Variants in ABHD6 observed in about 807,000 individuals in gnomAD.
ABHD6 encodes the protein abhydrolase domain containing 6, acylglycerol lipase, also known as monoacylglycerol lipase ABHD6.
Under a neutral mutation model 38.8 loss-of-function variants are expected in ABHD6, and 33 were observed. That is an observed-to-expected ratio of 0.85 (90% CI 0.64 to 1.14). The LOEUF (loss-of-function observed/expected upper bound fraction) is 1.14. Among genes scored for constraint, ABHD6 ranks in the 50% most tolerant of loss-of-function variants. ABHD6 has a pLI of 0.00. For synonymous variants in ABHD6, 147 were observed against 161.6 expected, an observed-to-expected ratio of 0.91 and a Z score of 0.69; for missense variants, 380 against 422.6, an observed-to-expected ratio of 0.90 and a Z score of 0.88.
chr3:58,290,003 A>C (rs1462951026), intron 9 of ABHD6, among the ~76,000 whole-genome samples: 13 of 95,944 alleles, frequency 1.4e-4, no homozygotes, highest in South Asian at 3.5e-4. Context: ...TGACCCCCCC[A>C]CCTCCCTCCC....
Position 58,285,003 on chromosome 3 carries a change from C to T in ABHD6, c.682-82C>T. 7.6e-7 allele frequency: 1 copy of T among 1,323,638 alleles called. No individual in the cohort carries two copies. The highest frequency in any genetic ancestry group is 1.1e-6 in the Non-Finnish European group (1 of 915,948). The allele number at this position is 1,323,638 out of a possible 1,614,324, so 82.0% of individuals were successfully genotyped here. A position where few individuals can be genotyped will look rare whatever the true frequency, so the allele number is the denominator to read the frequency against. ...GTGCAATAAATTGCTGGACCTCATT[C>T]CCATTCATTGTCCCAGAGCTGTGAG... On this transcript the variant is annotated intron_variant, in intron 7 of 9. Transcript: ENST00000478253. The surrounding 1 kb of genome is among the most constrained non-coding windows in gnomAD (Gnocchi z 4.9).
rs747793435 is a variant in ABHD6, at chr3:58,293,206, C to T, written c.838-383C>T. 1.2e-4 allele frequency among the ~76,000 whole-genome samples: 18 copies of T among 152,256 alleles called. No individual in the cohort carries two copies. The highest frequency in any genetic ancestry group is 8.3e-4 in the South Asian group (4 of 4,832). ...TCCCACCCTGTGCCATTCCCACATC[C>T]GTGAATGCTCCTCCCCTGTCCCCTT... On this transcript the variant is annotated intron_variant, in intron 9 of 9. Transcript: ENST00000478253. The surrounding 1 kb of genome is among the most constrained non-coding windows in gnomAD (Gnocchi z 4.4).
At chr3:58,250,290 A>C (rs1283538147) in intron 2 of ABHD6, among the ~76,000 whole-genome samples, 3 of 151,960 alleles carry the variant, frequency 2.0e-5, no homozygotes, top group African/African-American at 7.3e-5. Flanking sequence ...TCAGGCAGCC[A>C]GACGTGGGAG....
intron 6 of ABHD6, among the ~76,000 whole-genome samples, chr3:58,274,091 AG>A (rs901558367): frequency 4.6e-5 from 7 of 152,288 alleles, no homozygotes; most frequent in Admixed American, 3.9e-4. Context: ...AGAAGGCAGC[AG>A]GGTTGCTGCC....
In ABHD6 at chr3:58,256,090, C is replaced by CAG. The variant is rs1559773077; in HGVS notation, c.-25-471_-25-470insGA. Among the ~76,000 whole-genome samples, 6 of 82,644 alleles carry CAG rather than the reference C, an allele frequency of 7.3e-5. No individual in the cohort carries two copies. The highest frequency in any genetic ancestry group is 5.5e-4 in the African/African-American group (6 of 10,814). 54.2% of individuals were successfully genotyped at this position (82,644 alleles called of 152,430 possible). ...TTCCTCCCACCAACACACACACACA[C>CAG]ACACACACACACACACACATACACA... On this transcript the variant is annotated intron_variant, in intron 2 of 9. Transcript: ENST00000478253. This position sits in a 1 kb window ranked among gnomAD's most constrained non-coding sequence, Gnocchi z 4.3.
intron 9 of ABHD6, among the ~76,000 whole-genome samples, chr3:58,286,795 G>A (rs1490875625): frequency 7.1e-6 from 1 of 140,310 alleles, no homozygotes; most frequent in Non-Finnish European, 1.5e-5. Flanking sequence ...ATATATAGGT[G>A]TGCATATAAG....
At chr3:58,260,068 T>G (rs28714636) in intron 3 of ABHD6, among the ~76,000 whole-genome samples, 5,786 of 152,336 alleles carry the variant, frequency 0.038, 351 homozygotes, top group African/African-American at 0.13. Context: ...TATATACAGT[T>G]TGTTCATCCA....
At chr3:58,268,356 A>G (rs1047139075) in intron 4 of ABHD6, among the ~76,000 whole-genome samples, 2 of 151,532 alleles carry the variant, frequency 1.3e-5, no homozygotes, top group African/African-American at 4.9e-5. Flanking sequence ...TCCCTCTTCT[A>G]CGTCTGCTTT....
At chr3:58,280,550 C>T (rs1172076839) in intron 7 of ABHD6, among the ~76,000 whole-genome samples, 2 of 152,140 alleles carry the variant, frequency 1.3e-5, no homozygotes, top group South Asian at 4.1e-4. Context: ...TCCTTTAGCA[C>T]GGAGAAGTTT....
intron 7 of ABHD6, among the ~76,000 whole-genome samples, chr3:58,280,880 G>A (rs1261627277): frequency 2.0e-5 from 3 of 152,160 alleles, no homozygotes; most frequent in African/African-American, 4.8e-5. Context: ...GAGTTTGCTG[G>A]AGGTCCGCTC....
At position 58,259,346 on chromosome 3, in the gene ABHD6, A is replaced by C. The variant is rs2097435427; in HGVS notation, c.119+2641A>C. On this transcript the variant is annotated intron_variant, in intron 3 of 9. Transcript: ENST00000478253. This position sits in a 1 kb window ranked among gnomAD's most constrained non-coding sequence, Gnocchi z 4.7. ...TAGCAAATAATTTGCTTTTTAAATT[A>C]AGTTAAAATTCACATAACATAAAAG... is the stretch of plus-strand genomic sequence containing the variant. Among the ~76,000 whole-genome samples the C allele has an allele frequency of 6.6e-6, 1 of 152,200 alleles. No individual in the cohort carries two copies. The highest frequency in any genetic ancestry group is 1.5e-5 in the Non-Finnish European group (1 of 68,030).
intron 1 of ABHD6, among the ~76,000 whole-genome samples, chr3:58,242,795 A>C (rs143174552): frequency 6.6e-6 from 1 of 152,210 alleles, no homozygotes; most frequent in African/African-American, 2.4e-5. Flanking sequence ...ATATGTATAC[A>C]TGTGCCATGT....
chr3:58,290,523 C>A (rs2097461614), intron 9 of ABHD6, among the ~76,000 whole-genome samples: 1 of 136,926 alleles, frequency 7.3e-6, no homozygotes, highest in Non-Finnish European at 1.6e-5. Flanking sequence ...AGGGGCTGAC[C>A]CCCCACCTCC....
Position 58,257,862 on chromosome 3 carries a change from T to C in ABHD6, c.119+1157T>C, listed in dbSNP as rs918644941. On this transcript the variant is annotated intron_variant, in intron 3 of 9. Transcript: ENST00000478253. The surrounding 1 kb of genome is among the most constrained non-coding windows in gnomAD (Gnocchi z 4.8). ...ATATGTCATTCTTGTACCACTGTTA[T>C]TATTCTTGTCCTATCTGGATACCAC... Among the ~76,000 whole-genome samples the C allele has an allele frequency of 6.6e-6, 1 of 152,220 alleles. No individual in the cohort carries two copies. The highest frequency in any genetic ancestry group is 1.5e-5 in the Non-Finnish European group (1 of 68,036).
rs896752389 is a variant in ABHD6, at chr3:58,256,216, C to T, written c.-25-346C>T. ...AACATCTCCTAAAAGGGAAGATATT[C>T]TCCTACATACATACATAATCACAAT... On this transcript the variant is annotated intron_variant, in intron 2 of 9. Coordinates refer to ENST00000478253, the MANE Select transcript of ABHD6 (RefSeq NM_001320126.2). The surrounding 1 kb of genome is among the most constrained non-coding windows in gnomAD (Gnocchi z 4.3). 6.6e-6 allele frequency among the ~76,000 whole-genome samples: 1 copy of T among 152,134 alleles called. No homozygotes were observed. Among genetic ancestry groups the T allele is most frequent in the Non-Finnish European group, 1.5e-5 (1 of 68,024 alleles).
rs9842917 is a variant in ABHD6 at position 58,259,073 on chromosome 3, C to T, written c.119+2368C>T. Among the ~76,000 whole-genome samples, 20,805 of 152,054 alleles carry T rather than the reference C, an allele frequency of 0.14. 2,068 individuals carry two copies. The highest frequency in any genetic ancestry group is 0.27 in the African/African-American group (11,315 of 41,408). ...GCATCATGGACTGCCACACACAAAA[C>T]GCCGTTTTTATTAACGACATGAAAT... On this transcript the variant is annotated intron_variant, in intron 3 of 9. Transcript: ENST00000478253. The surrounding 1 kb of genome is among the most constrained non-coding windows in gnomAD (Gnocchi z 4.7).
chr3:58,243,056 C>A (rs549908257), intron 1 of ABHD6, among the ~76,000 whole-genome samples: 2 of 152,220 alleles, frequency 1.3e-5, no homozygotes, highest in East Asian at 3.9e-4. Context: ...TGAACTCATC[C>A]TTTTTTATGG....
intron 1 of ABHD6, among the ~76,000 whole-genome samples, chr3:58,242,309 T>A (rs2097423405): frequency 6.6e-6 from 1 of 152,282 alleles, no homozygotes; most frequent in Non-Finnish European, 1.5e-5. Flanking sequence ...ACCAGTGAAT[T>A]AGCAGAGAGG....
At chr3:58,260,099 T>C (rs546330652) in intron 3 of ABHD6, among the ~76,000 whole-genome samples, 8 of 152,380 alleles carry the variant, frequency 5.3e-5, no homozygotes, top group African/African-American at 1.7e-4. Flanking sequence ...GATGGACACT[T>C]GGGTTGTTTC....
Sources: gnomAD v4.1 joint callset for allele counts (sites outside exome capture counted in the v4.1 genomes callset) on GRCh38, gnomAD v4.1.1 for gene constraint, Gnocchi (gnomAD v3.1) non-coding constraint, MANE v1.5 for transcripts, NCBI Gene and HGNC (gene_info 2026-07-23, HGNC 2026-07-21) for gene names.